TAF6: variants seen among roughly 807,000 people sequenced by gnomAD.
The protein encoded by TAF6 is TATA-box binding protein associated factor 6.
TAF6 carries 50 observed loss-of-function variants against 73.5 expected under a neutral mutation model. That is an observed-to-expected ratio of 0.68 (90% confidence interval 0.54 to 0.86). The LOEUF is 0.86. TAF6 is among the 40% of genes least tolerant of loss of function. TAF6 has a pLI of 0.00. For missense variants in TAF6, 768 were observed against 899.5 expected, an observed-to-expected ratio of 0.85 and a Z score of 1.87; for synonymous variants, 424 against 376.7, an observed-to-expected ratio of 1.13 and a Z score of -1.45.
intron 5 of TAF6, 140 bp downstream of exon 5, chr7:100,113,209 G>A: frequency 1.1e-6 from 1 of 881,870 alleles, no homozygotes; most frequent in Non-Finnish European, 1.7e-6. Context: ...CAGGTTTGCA[G>A]TGAGCCAAGA....
chr7:100,108,317 G>C, intron 13 of TAF6, 50 bp downstream of exon 13: 3 of 1,551,962 alleles, frequency 1.9e-6, no homozygotes, highest in Non-Finnish European at 2.6e-6. Context: ...GTCCCACACA[G>C]GGGTTCTCCT....
At chr7:100,124,722 T>A, upstream of TAF6, 2 of 1,613,760 alleles carry the variant, frequency 1.2e-6, no homozygotes, top group Non-Finnish European at 1.7e-6. Context: ...TCATCCGATC[T>A]AGCATGTCTA....
Position 100,108,332 on chromosome 7 carries a change from TTCCTCCTATTCC to T in TAF6, c.1458+23_1458+34del. On this transcript the variant is annotated intron_variant, in intron 13 of 14. Transcript: ENST00000453269. ...GTCCCACACAGGGGTTCTCCTCTGC[TTCCTCCTATTCC>T]TCCTCCCCACCCGGCCACGGACCTG... The T allele has an allele frequency of 2.5e-6, 4 of 1,572,398 alleles. No individual in the cohort carries two copies. The South Asian group carries it at 4.6e-5, about 18-fold the overall frequency.
intron 7 of TAF6, 38 bp downstream of exon 7, chr7:100,112,070 G>A: frequency 6.2e-7 from 1 of 1,613,630 alleles, no homozygotes; most frequent in Non-Finnish European, 8.5e-7. Context: ...CCCAGGAGGA[G>A]GCGTCTCAGG....
chr7:100,107,376 G>T lies in TAF6; in HGVS notation c.1904C>A (p.Pro635Gln), dbSNP rs79147701. Residue 635 changes from proline (P) to glutamine (Q), a missense_variant, in exon 15 of 15, where the codon CCG becomes CAG. Pro to Gln is a moderately conservative substitution (Grantham distance 76, BLOSUM62 -1). Transcript: ENST00000453269. ...AAGGGCACTGCCGCTGAGTGGGGAC[G>T]GGGACGATGCCGGGGGAGGAACTGG... The part of the protein sequence containing the change: ...PSPVPPPASS[P>Q]SPLSGSALCG... 25 of 1,589,738 alleles carry T rather than the reference G, an allele frequency of 1.6e-5. No individual in the cohort carries two copies. Among genetic ancestry groups the T allele is most frequent in the Non-Finnish European group, 2.1e-5 (24 of 1,165,410 alleles).
At chr7:100,124,748 G>A (rs1234018819), upstream of TAF6, 2 of 1,613,928 alleles carry the variant, frequency 1.2e-6, no homozygotes, top group Admixed American at 3.3e-5. Context: ...AACTTGGACT[G>A]GAAAGGAGAT....
intron 7 of TAF6, 35 bp from the exon 8 acceptor site, chr7:100,112,034 G>A: frequency 6.2e-7 from 1 of 1,613,930 alleles, no homozygotes; most frequent in Non-Finnish European, 8.5e-7. Flanking sequence ...GGTGGGGGTG[G>A]GATGTGGGGA....
chr7:100,122,227 A>G (rs1345387192), upstream of TAF6: 13 of 1,611,358 alleles, frequency 8.1e-6, no homozygotes, highest in African/African-American at 1.3e-5. Context: ...TTTGTCTTTT[A>G]CCTCCCCCCG....
At chr7:100,112,363 C>T in intron 6 of TAF6, 110 bp from the exon 7 acceptor site, 2 of 1,437,134 alleles carry the variant, frequency 1.4e-6, no homozygotes, top group Middle Eastern at 2.6e-4. Context: ...CTGGCTTCTT[C>T]TTAGGCTCCC....
chr7:100,113,540 T>C, intron 4 of TAF6, 76 bp downstream of exon 4: 4 of 1,564,606 alleles, frequency 2.6e-6, no homozygotes, highest in Non-Finnish European at 3.5e-6. Flanking sequence ...TTTCTTCTAT[T>C]GTGAGGCTCC....
upstream of TAF6, among the ~76,000 whole-genome samples, chr7:100,121,864 C>A (rs552630256): frequency 6.7e-6 from 1 of 149,104 alleles, no homozygotes; most frequent in South Asian, 2.1e-4. Context: ...TCCTGGCTAA[C>A]ACGGTGAAAC....
At position 100,112,154 on chromosome 7, in the gene TAF6, T is replaced by C. The variant is rs1797241251; in HGVS notation, c.674A>G (p.Lys225Arg). 1.2e-6 allele frequency: 2 copies of C among 1,613,902 alleles called. No individual in the cohort carries two copies. Among genetic ancestry groups the C allele is most frequent in the African/African-American group, 1.3e-5 (1 of 74,916 alleles). Residue 225 changes from lysine to arginine, a missense_variant, in exon 7 of 15, where the codon AAG (lysine) becomes AGG (arginine). Lys to Arg is a conservative substitution (Grantham distance 26, BLOSUM62 2). This residue lies in a region of TAF6 where 78 missense variants were observed against 153.4 expected (regional missense o/e 0.51). Coordinates refer to ENST00000453269, the MANE Select transcript of TAF6 (RefSeq NM_139315.3). The stretch of plus-strand genomic sequence containing the variant: ...GCCCACGCAGGCCTCGGTGATCTCC[T>C]TGTAGTAGAGCTGCTGCTCCACAGA... ...ELSVEQQLYY[K>R]EITEACVGSC...
chr7:100,113,383 G>C lies in TAF6; in HGVS notation c.420C>G (p.Gly140=). The C allele has an allele frequency of 1.3e-6, 2 of 1,595,662 alleles. No homozygotes were observed. The highest frequency in any genetic ancestry group is 1.7e-6 in the Non-Finnish European group (2 of 1,170,500). ...GGTTCTCGGGGATAGCTGGCTGGCA[G>C]CCCTCGATGCTCAGCCAATGAGCTG... The part of the protein sequence containing the change: ...CLKAHWLSIE[G]CQPAIPENPP... Residue 140 remains glycine, a synonymous_variant, in exon 5 of 15, where the codon GGC becomes GGG. Transcript: ENST00000453269.
intron 1 of TAF6, among the ~76,000 whole-genome samples, chr7:100,118,225 C>T (rs958294035): frequency 6.6e-6 from 1 of 151,512 alleles, no homozygotes; most frequent in Non-Finnish European, 1.5e-5. Flanking sequence ...TGGTGGCGGG[C>T]GCCTGTAGTC....
upstream of TAF6, chr7:100,122,393 C>T: frequency 6.2e-7 from 1 of 1,614,054 alleles, no homozygotes; most frequent in Admixed American, 1.7e-5. Context: ...TTCGTGAGTC[C>T]TTCGTGCTCC....
At position 100,113,030 on chromosome 7, in the gene TAF6, C is replaced by G. The variant is rs566804729; in HGVS notation, c.455-113G>C. 1.6e-3 allele frequency: 2,244 copies of G among 1,437,442 alleles called. 5 individuals are homozygous for G. The highest frequency in any genetic ancestry group is 2.5e-3 in the Middle Eastern group (12 of 4,718). The allele number at this position is 1,437,442 out of a possible 1,614,324, so 89.0% of individuals were successfully genotyped here. A position where few individuals can be genotyped will look rare whatever the true frequency, so the allele number is the denominator to read the frequency against. On this transcript the variant is annotated intron_variant, in intron 5 of 14. Coordinates refer to ENST00000453269, the MANE Select transcript of TAF6 (RefSeq NM_139315.3). The stretch of plus-strand genomic sequence containing the variant: ...CTGTAATCCCAGCACTTTGGGAGGC[C>G]AAGGCGGGTGGATCACCTCAGGTCA...
In TAF6 at chr7:100,112,779, C is replaced by G; in HGVS notation, c.574+19G>C. 3 of 1,595,228 alleles carry G rather than the reference C, an allele frequency of 1.9e-6. No individual in the cohort carries two copies. The highest frequency in any genetic ancestry group is 2.6e-6 in the Non-Finnish European group (3 of 1,170,220). On this transcript the variant is annotated intron_variant, in intron 6 of 14. Transcript: ENST00000453269. ...GCTTTGGGCAAGAGTCCAGAGAGGC[C>G]TAGCCTAGGAGGACTGACCTTTGCC...
intron 6 of TAF6, 72 bp downstream of exon 6, chr7:100,112,726 A>C (rs886754489): frequency 6.6e-7 from 1 of 1,509,832 alleles, no homozygotes; most frequent in Non-Finnish European, 8.9e-7. Context: ...AAAACAAAAA[A>C]AAAGGAAACA....
rs1340062679 is a variant in TAF6 at position 100,110,029 on chromosome 7, C to T, written c.1203G>A (p.Glu401=). ...LILPRLQQEG[E]RIRSVLDGPV... is the part of the protein sequence containing the mutation. Reference sequence around the variant, plus strand: ...GGCCGTCCAGCACACTGCGGATCCGCTCCCCTTCCTGCTGCAGCCGGGGCA... The same window carrying T: ...GGCCGTCCAGCACACTGCGGATCCGTTCCCCTTCCTGCTGCAGCCGGGGCA... Residue 401 remains glutamate, a synonymous_variant, in exon 12 of 15, where the codon GAG becomes GAA. Transcript: ENST00000453269. 2 of 1,614,154 alleles carry T rather than the reference C, an allele frequency of 1.2e-6. No individual in the cohort carries two copies. Among genetic ancestry groups the T allele is most frequent in the Admixed American group, 1.7e-5 (1 of 60,014 alleles).
Sources: gnomAD v4.1 joint callset for allele counts (sites outside exome capture counted in the v4.1 genomes callset) on GRCh38, gnomAD v4.1.1 for gene constraint, gnomAD v4.1.1 regional missense constraint, MANE v1.5 for transcripts, NCBI Gene and HGNC (gene_info 2026-07-23, HGNC 2026-07-21) for gene names.